The following SPATA13 variants were observed in gnomAD, a reference collection of about 807,000 sequenced individuals.
The protein encoded by SPATA13 is spermatogenesis associated 13.
Under a neutral mutation model 104.0 loss-of-function variants are expected in SPATA13, and 50 were observed. The ratio of observed to expected loss-of-function variants is 0.48; its 90% CI spans 0.38 to 0.61. SPATA13 has a LOEUF of 0.61. Among genes scored for constraint, SPATA13 ranks in the 20% least tolerant of loss-of-function variants. SPATA13 has a pLI of 0.00. For missense variants in SPATA13, 1,524 were observed against 1,690.6 expected (o/e 0.90, Z 1.73); for synonymous variants, 606 against 667.5 (o/e 0.91, Z 1.42).
intron 3 of SPATA13, among the ~76,000 whole-genome samples, chr13:24,132,902 G>C (rs899378257): frequency 2.0e-5 from 3 of 152,176 alleles, no homozygotes; most frequent in Non-Finnish European, 4.4e-5. Flanking sequence ...TTGAACCTGG[G>C]GGGTGGAGAT....
chr13:24,278,929 TTTCCTTCC>T (rs367952929), intron 4 of SPATA13: 1 of 736,006 alleles, frequency 1.4e-6, no homozygotes, highest in Non-Finnish European at 1.9e-6. Flanking sequence ...TCCTTCCCTC[TTTCCTTCC>T]TTCCTTCCTT....
In SPATA13 at chr13:24,019,433, T is replaced by C. The variant is rs574718944; in HGVS notation, c.-112+1732T>C. Among the ~76,000 whole-genome samples, 39 of 152,334 alleles carry C rather than the reference T, an allele frequency of 2.6e-4. 1 individual carries two copies. The South Asian group carries it at 6.6e-3, about 26-fold the overall frequency. ...AAAAACAGTATATAGTTTTATACTG[T>C]ATGGTTTGATAGCAGTGGAGCTAGT... is the stretch of plus-strand genomic sequence containing the variant. On this transcript the variant is annotated intron_variant, in intron 3 of 14. Coordinates refer to the SPATA13 transcript ENST00000424834.
At chr13:24,074,824 A>G (rs1879276514) in intron 3 of SPATA13, among the ~76,000 whole-genome samples, 1 of 152,242 alleles carries the variant, frequency 6.6e-6, no homozygotes, top group Non-Finnish European at 1.5e-5. Flanking sequence ...CCATGCTGCC[A>G]CGTGGTCAGA....
At chr13:24,108,155 G>A (rs756067565) in intron 3 of SPATA13, among the ~76,000 whole-genome samples, 58 of 152,252 alleles carry the variant, frequency 3.8e-4, no homozygotes, top group South Asian at 1.0e-3. Flanking sequence ...GGGGGGACAC[G>A]CCCCTCAAGC....
intron 3 of SPATA13, among the ~76,000 whole-genome samples, chr13:24,149,076 G>A (rs1882022306): frequency 6.6e-6 from 1 of 152,218 alleles, no homozygotes; most frequent in Non-Finnish European, 1.5e-5. Flanking sequence ...GACTAAGGAG[G>A]TAGTGGGCAA....
At chr13:24,217,553 G>C (rs1442066749) in intron 1 of SPATA13, among the ~76,000 whole-genome samples, 1 of 152,250 alleles carries the variant, frequency 6.6e-6, no homozygotes, top group Non-Finnish European at 1.5e-5. Flanking sequence ...AGAGAGGTTA[G>C]TGGAGAAGGC....
intron 2 of SPATA13, among the ~76,000 whole-genome samples, chr13:23,989,353 T>C (rs1443788082): frequency 6.7e-6 from 1 of 150,352 alleles, no homozygotes; most frequent in Non-Finnish European, 1.5e-5. Context: ...ACCTGGGAGG[T>C]AGAGGTTGCA....
chr13:24,184,471 G>A (rs1329532199), intron 1 of SPATA13, among the ~76,000 whole-genome samples: 1 of 152,230 alleles, frequency 6.6e-6, no homozygotes, highest in East Asian at 1.9e-4. Flanking sequence ...GAAGAGAAAA[G>A]CGTACAATGG....
intron 3 of SPATA13, among the ~76,000 whole-genome samples, chr13:24,097,722 T>C (rs1337102164): frequency 6.6e-6 from 1 of 152,172 alleles, no homozygotes; most frequent in Non-Finnish European, 1.5e-5. Flanking sequence ...ACCAACCGGG[T>C]ACCTGGATCA....
chr13:24,250,436 A>G (rs1873416203), intron 3 of SPATA13, among the ~76,000 whole-genome samples: 1 of 152,186 alleles, frequency 6.6e-6, no homozygotes, highest in Non-Finnish European at 1.5e-5. Context: ...AAAATACAAA[A>G]CATTTAATTA....
chr13:24,029,738 A>G (rs561243668), intron 3 of SPATA13, among the ~76,000 whole-genome samples: 11 of 152,104 alleles, frequency 7.2e-5, no homozygotes, highest in African/African-American at 1.4e-4. Flanking sequence ...AAAGCCTGGT[A>G]CCCATTAGTT....
chr13:24,285,492 G>GGCCTGCCT (rs561825826), intron 5 of SPATA13, among the ~76,000 whole-genome samples: 4 of 151,080 alleles, frequency 2.6e-5, no homozygotes, highest in Non-Finnish European at 4.4e-5. Context: ...TTTAAAAAGG[G>GGCCTGCCT]GCCTGCCTGC....
intron 1 of SPATA13, among the ~76,000 whole-genome samples, chr13:24,186,210 G>A (rs549194624): frequency 6.6e-6 from 1 of 152,274 alleles, no homozygotes; most frequent in South Asian, 2.1e-4. Flanking sequence ...CGGTTCACAG[G>A]GGAACCTAAA....
Position 24,251,698 on chromosome 13 carries a change from A to G in SPATA13, c.2020-20A>G. On this transcript the variant is annotated intron_variant, in intron 3 of 12. Transcript: ENST00000382108. Reference sequence around the variant, plus strand: ...GCCACTTCCTGGTACCTCCTCACAGATTTTGCTTTCTTTTTGCAGCCGGCT... The same window carrying G: ...GCCACTTCCTGGTACCTCCTCACAGGTTTTGCTTTCTTTTTGCAGCCGGCT... The G allele has an allele frequency of 1.2e-6, 2 of 1,612,694 alleles. No individual in the cohort carries two copies. The highest frequency in any genetic ancestry group is 2.2e-5 in the East Asian group (1 of 44,816).
chr13:24,017,481 G>A (rs1876769869), intron 2 of SPATA13, among the ~76,000 whole-genome samples: 1 of 152,140 alleles, frequency 6.6e-6, no homozygotes, highest in Admixed American at 6.5e-5. Context: ...TGTGAGAGAT[G>A]TATGTGTGTC....
At chr13:24,140,748 A>T (rs1267243752) in intron 3 of SPATA13, among the ~76,000 whole-genome samples, 1 of 152,248 alleles carries the variant, frequency 6.6e-6, no homozygotes, top group Non-Finnish European at 1.5e-5. Flanking sequence ...AAGTGAACCC[A>T]TGAATTCTGG....
chr13:24,107,883 C>T (rs759299322), intron 3 of SPATA13, among the ~76,000 whole-genome samples: 4 of 152,244 alleles, frequency 2.6e-5, no homozygotes, highest in Non-Finnish European at 5.9e-5. Context: ...CTCACTCGCA[C>T]TATTCTGGTG....
intron 2 of SPATA13, among the ~76,000 whole-genome samples, chr13:24,240,620 C>G (rs996470375): frequency 6.6e-6 from 1 of 152,102 alleles, no homozygotes; most frequent in Non-Finnish European, 1.5e-5. Context: ...ATCTTGTATT[C>G]TAAGACTTCA....
rs1877300031 is a variant in SPATA13 at position 24,302,771 on chromosome 13, T to TGAAA, written c.3833_*2dup. 2 of 1,614,066 alleles carry TGAAA rather than the reference T, an allele frequency of 1.2e-6. No homozygotes were observed. The highest frequency in any genetic ancestry group is 1.7e-6 in the Non-Finnish European group (2 of 1,180,008). The stretch of plus-strand genomic sequence containing the variant: ...CAACAGGCTCACCCCCTTCCGGAAA[T>TGAAA]GAAAACAGGAGGCTGTGCTTCCATG... On this transcript the variant is annotated frameshift_variant and stop_retained_variant, in exon 13 of 13. Coordinates refer to ENST00000382108, the MANE Select transcript of SPATA13 (RefSeq NM_001166271.3). LOFTEE classifies it high-confidence loss of function.
Sources: gnomAD v4.1 joint callset for allele counts (sites outside exome capture counted in the v4.1 genomes callset) on GRCh38, gnomAD v4.1.1 for gene constraint, MANE v1.5 for transcripts, NCBI Gene and HGNC (gene_info 2026-07-23, HGNC 2026-07-21) for gene names.